The following POC5 variants were observed in gnomAD, a reference collection of about 807,000 sequenced individuals.
The protein encoded by POC5 is centrosomal protein POC5.
A neutral mutation model predicts 62.9 loss-of-function variants in POC5; 48 were observed. The ratio of observed to expected loss-of-function variants is 0.76; its 90% CI spans 0.61 to 0.97. The LOEUF (loss-of-function observed/expected upper bound fraction) is 0.97, where lower values mean the gene tolerates loss of function less well. POC5 is among the 50% of genes least tolerant of loss of function. The pLI, the probability that POC5 is intolerant of heterozygous loss-of-function variation, is 0.00. For missense variants in POC5, 696 were observed against 679.5 expected, an observed-to-expected ratio of 1.02 and a Z score of -0.27; for synonymous variants, 236 against 228.2, an observed-to-expected ratio of 1.03 and a Z score of -0.31.
chr5:75,687,281 C>T (rs1201985560), intron 9 of POC5, among the ~76,000 whole-genome samples: 5 of 152,238 alleles, frequency 3.3e-5, no homozygotes, highest in East Asian at 3.9e-4. Context: ...CCACTCACCT[C>T]GGCCTCCCAA....
intron 11 of POC5, among the ~76,000 whole-genome samples, chr5:75,676,893 T>G (rs1775685604): frequency 6.6e-6 from 1 of 152,004 alleles, no homozygotes; most frequent in Admixed American, 6.6e-5. Context: ...TCTTTAGGGA[T>G]GTTCTTATCA....
chr5:75,714,363 C>T (rs1414181218), intron 1 of POC5, among the ~76,000 whole-genome samples: 2 of 151,870 alleles, frequency 1.3e-5, no homozygotes, highest in African/African-American at 2.4e-5. Flanking sequence ...GCCTGGGTGA[C>T]AGAGACTCCG....
Position 75,702,634 on chromosome 5 carries a change from C to G in POC5, c.484G>C (p.Val162Leu), listed in dbSNP as rs753296560. 6.2e-7 allele frequency: 1 copy of G among 1,613,354 alleles called. No individual in the cohort carries two copies. Among genetic ancestry groups the G allele is most frequent in the Non-Finnish European group, 8.5e-7 (1 of 1,179,656 alleles). The change falls in exon 5 of 12, where the codon GTG (valine) becomes CTG (leucine). Residue 162 changes from valine to leucine, a missense_variant. Physicochemically the swap from Val to Leu is conservative, Grantham distance 32. Coordinates refer to ENST00000428202, the MANE Select transcript of POC5 (RefSeq NM_001099271.2). ...SDENLQKMEN[V>L]LDLWSSGLKT... The stretch of plus-strand genomic sequence containing the variant: ...AGACCTGAACTCCAAAGATCAAGCA[C>G]ATTTTCCATCTTCTGAAGGTTTTCA...
intron 1 of POC5, among the ~76,000 whole-genome samples, chr5:75,716,656 T>C (rs1742591886): frequency 6.6e-6 from 1 of 152,234 alleles, no homozygotes; most frequent in South Asian, 2.1e-4. Context: ...ATTAGTTCAC[T>C]ACATTTTCAG....
intron 1 of POC5, among the ~76,000 whole-genome samples, chr5:75,716,762 C>T (rs1168702462): frequency 6.6e-6 from 1 of 152,188 alleles, no homozygotes; most frequent in East Asian, 1.9e-4. Context: ...AATTATCTGG[C>T]TGACAGCAAA....
rs1232510909 is a variant in POC5 at position 75,705,785 on chromosome 5, T to C, written c.226A>G (p.Asn76Asp). ...GCAGTTTCTCTTACTTCAGAGTTAT[T>C]TCCTGCCAAAAAGAAAGCTTTTTAA... ...TIHDILHSQGNNSEVRETAIE... is the reference protein window; with the variant it reads ...TIHDILHSQGDNSEVRETAIE... The change falls in exon 4 of 12, where the codon AAT becomes GAT. Residue 76 changes from asparagine (N) to aspartate (D), a missense_variant and splice_region_variant. Transcript: ENST00000428202. 1 of 1,532,958 alleles carries C rather than the reference T, an allele frequency of 6.5e-7. No homozygotes were observed. Among genetic ancestry groups the C allele is most frequent in the Non-Finnish European group, 8.8e-7 (1 of 1,140,942 alleles). The allele number at this position is 1,532,958 out of a possible 1,614,324, so 95.0% of individuals were successfully genotyped here.
At position 75,674,431 on chromosome 5, in the gene POC5, C is replaced by A; in HGVS notation, c.*4G>T. The A allele has an allele frequency of 6.2e-7, 1 of 1,613,616 alleles. No individual in the cohort carries two copies. The highest frequency in any genetic ancestry group is 1.1e-5 in the South Asian group (1 of 90,986). ...TAAAAGACCCCACTATGGACATATT[C>A]ACTTTAGTCAACCACTTTTATGGAA... On this transcript the variant is annotated 3_prime_UTR_variant, in exon 12 of 12. Transcript: ENST00000428202.
rs1466517579 is a variant in POC5 at position 75,690,433 on chromosome 5, C to T, written c.925G>A (p.Glu309Lys). The T allele has an allele frequency of 6.2e-7, 1 of 1,612,414 alleles. No homozygotes were observed. The highest frequency in any genetic ancestry group is 8.5e-7 in the Non-Finnish European group (1 of 1,179,250). Reference protein sequence around the residue: ...VVERACQARAEEVCIQISNDY... With the variant: ...VVERACQARAKEVCIQISNDY... ...TTGGAAATCTGGATACAAACTTCTT[C>T]AGCTCTTGCTTGACAAGCTCTTTCT... Residue 309 changes from glutamate to lysine, a missense_variant, in exon 8 of 12, where the codon GAA becomes AAA. Physicochemically the swap from Glu to Lys is moderately conservative, Grantham distance 56 (BLOSUM62 1). Coordinates refer to ENST00000428202, the MANE Select transcript of POC5 (RefSeq NM_001099271.2).
At position 75,674,564 on chromosome 5, in the gene POC5, T is replaced by C. The variant is rs1472451778; in HGVS notation, c.1599A>G (p.Gln533=). Residue 533 remains glutamine, a synonymous_variant, in exon 12 of 12, where the codon CAA becomes CAG. Coordinates refer to ENST00000428202, the MANE Select transcript of POC5 (RefSeq NM_001099271.2). ...HHPVTVQTIP[Q]ATAAKYPRTI... The stretch of plus-strand genomic sequence containing the variant: ...TCCGGGGATATTTTGCTGCAGTTGC[T>C]TGAGGAATGGTTTGCTGAAAAGACA... The C allele has an allele frequency of 6.2e-6, 10 of 1,613,828 alleles. No homozygotes were observed. The highest frequency in any genetic ancestry group is 3.3e-5 in the Admixed American group (2 of 60,000).
rs775550213 is a variant in POC5 at position 75,712,855 on chromosome 5, T to G, written c.83A>C (p.Gln28Pro). 4 of 1,604,038 alleles carry G rather than the reference T, an allele frequency of 2.5e-6. No homozygotes were observed. The Admixed American group carries it at 5.1e-5, about 21-fold the overall frequency. The part of the protein sequence containing the change: ...SRGSSVSSNL[Q>P]EEYEELLHYA... ...GTAAATTTAGAAATTTTTTCCTACC[T>G]GAAGATTCGAAGAGACAGAACTGCC... Residue 28 changes from glutamine to proline, a missense_variant and splice_region_variant, in exon 2 of 12, where the codon CAG (glutamine) becomes CCG (proline). Gln to Pro is a moderately conservative substitution (Grantham distance 76). Coordinates refer to ENST00000428202, the MANE Select transcript of POC5 (RefSeq NM_001099271.2).
intron 5 of POC5, among the ~76,000 whole-genome samples, chr5:75,701,276 T>C (rs1259532372): frequency 7.4e-6 from 1 of 135,776 alleles, no homozygotes; most frequent in Non-Finnish European, 1.6e-5. Flanking sequence ...CACACGTATG[T>C]TTATTGCGGC....
chr5:75,711,960 T>A (rs928708882), intron 2 of POC5, among the ~76,000 whole-genome samples: 1 of 152,190 alleles, frequency 6.6e-6, no homozygotes, highest in African/African-American at 2.4e-5. Context: ...GGAAGTACTG[T>A]CACCTGAAGA....
chr5:75,698,695 G>T (rs1403984830), intron 5 of POC5, among the ~76,000 whole-genome samples: 1 of 151,912 alleles, frequency 6.6e-6, no homozygotes, highest in Non-Finnish European at 1.5e-5. Flanking sequence ...AAAGCTAGCA[G>T]AAGGCAAGAA....
intron 2 of POC5, 105 bp downstream of exon 2, chr5:75,712,749 T>C: frequency 1.1e-6 from 1 of 891,154 alleles, no homozygotes; most frequent in Non-Finnish European, 1.7e-6. Context: ...ATTGAAAAAC[T>C]CCCTTGTAAA....
intron 6 of POC5, among the ~76,000 whole-genome samples, chr5:75,692,907 C>T (rs2097193585): frequency 6.6e-6 from 1 of 151,610 alleles, no homozygotes; most frequent in Non-Finnish European, 1.5e-5. Context: ...GTCCCTACTA[C>T]TATCTTGGAT....
chr5:75,682,517 C>CT lies in POC5; in HGVS notation c.1407+2689dup, dbSNP rs3041691. Among the ~76,000 whole-genome samples, 254 of 134,670 alleles carry CT rather than the reference C, an allele frequency of 1.9e-3. 16 individuals are homozygous for CT. Among genetic ancestry groups the CT allele is most frequent in the Non-Finnish European group, 2.3e-3 (145 of 64,174 alleles). 88.3% of individuals were successfully genotyped at this position (134,670 alleles called of 152,430 possible). On this transcript the variant is annotated intron_variant, in intron 10 of 11. Coordinates refer to ENST00000428202, the MANE Select transcript of POC5 (RefSeq NM_001099271.2). ...TTGAATTTTAGTGTTTTATTTCTTT[C>CT]TTTTTTTTTTTTTTTTGAGACAGAG...
At chr5:75,684,359 C>T (rs538561094) in intron 10 of POC5, among the ~76,000 whole-genome samples, 1 of 148,392 alleles carries the variant, frequency 6.7e-6, no homozygotes, top group Admixed American at 6.8e-5. Context: ...ACTTTTCCTA[C>T]ATAATTTTTT....
intron 10 of POC5, among the ~76,000 whole-genome samples, chr5:75,681,982 ATAT>A: frequency 6.6e-6 from 1 of 152,368 alleles, no homozygotes; most frequent in South Asian, 2.1e-4. Context: ...TATTTCAACT[ATAT>A]AAGGAAGGAA....
intron 9 of POC5, 83 bp from the exon 10 acceptor site, chr5:75,685,567 C>G: frequency 7.0e-7 from 1 of 1,432,980 alleles, no homozygotes; most frequent in Non-Finnish European, 9.5e-7. Flanking sequence ...CACATACTGG[C>G]TAAAGTTTGG....
Sources: allele counts gnomAD v4.1 joint callset (sites outside exome capture counted in the v4.1 genomes callset), GRCh38; gene constraint gnomAD v4.1.1; transcripts MANE v1.5; gene names NCBI Gene and HGNC (gene_info 2026-07-23, HGNC 2026-07-21).